PIGN: variants seen among roughly 807,000 people sequenced by gnomAD.
The protein encoded by PIGN is phosphatidylinositol glycan anchor biosynthesis class N.
PIGN carries 117 observed loss-of-function variants against 125.4 expected under a neutral mutation model. That is an observed-to-expected ratio of 0.93 (90% CI 0.80 to 1.09). The LOEUF (loss-of-function observed/expected upper bound fraction) is 1.09, where lower values mean the gene tolerates loss of function less well. PIGN is among the 50% of genes least tolerant of loss of function. PIGN has a pLI of 0.00. For missense variants in PIGN, 1,075 were observed against 1,094.9 expected, an observed-to-expected ratio of 0.98 and a Z score of 0.26; for synonymous variants, 392 against 377.8, an observed-to-expected ratio of 1.04 and a Z score of -0.44.
intron 25 of PIGN, among the ~76,000 whole-genome samples, chr18:62,088,109 T>C (rs777427511): frequency 7.2e-5 from 11 of 152,226 alleles, no homozygotes; most frequent in Non-Finnish European, 1.5e-4. Context: ...TTACAATGTA[T>C]ACATATATCA....
chr18:62,020,499 T>G (rs947202688), intron 23 of PIGN, among the ~76,000 whole-genome samples: 1 of 118,234 alleles, frequency 8.5e-6, no homozygotes, highest in African/African-American at 2.6e-5. Flanking sequence ...GATAAAGACT[T>G]TAAAACAGTT....
At chr18:62,159,375 G>A (rs776280846) in intron 4 of PIGN, among the ~76,000 whole-genome samples, 3 of 152,174 alleles carry the variant, frequency 2.0e-5, no homozygotes, top group Admixed American at 6.6e-5. Flanking sequence ...GCTTCCGTTA[G>A]TAAGATCCAA....
intron 25 of PIGN, 47 bp from the exon 26 acceptor site, chr18:62,085,311 A>G (rs1370967329): frequency 1.6e-6 from 2 of 1,284,542 alleles, no homozygotes; most frequent in Admixed American, 4.3e-5. Context: ...TTTCATACAA[A>G]TTTCCTTTTC....
chr18:62,138,438 C>A, intron 13 of PIGN, 140 bp from the exon 14 acceptor site: 2 of 1,232,742 alleles, frequency 1.6e-6, no homozygotes, highest in Non-Finnish European at 2.2e-6. Context: ...TATATTGTTT[C>A]ATAAATATTT....
intron 14 of PIGN, among the ~76,000 whole-genome samples, chr18:62,133,504 T>C (rs1028528616): frequency 6.6e-6 from 1 of 152,218 alleles, no homozygotes; most frequent in Non-Finnish European, 1.5e-5. Context: ...TTTAAAATTA[T>C]GTTTTTGAGT....
intron 1 of PIGN, among the ~76,000 whole-genome samples, chr18:62,165,091 A>G (rs1304136125): frequency 6.6e-6 from 1 of 152,162 alleles, no homozygotes; most frequent in Non-Finnish European, 1.5e-5. Context: ...GCTTGGTGCT[A>G]TTCTCACAGC....
In PIGN at chr18:62,186,041, A is replaced by ATT. The variant is rs755658401; in HGVS notation, c.-236+801_-236+802dup. ...CTTTGACTCCTTATTAGCGGAATTG[A>ATT]TTTTTTTTTTTTTTTTTTTTTTTTT... On this transcript the variant is annotated intron_variant, in intron 1 of 30. Coordinates refer to ENST00000640252, the MANE Select transcript of PIGN (RefSeq NM_176787.5). Among the ~76,000 whole-genome samples, 531 of 102,224 alleles carry ATT rather than the reference A, an allele frequency of 5.2e-3. 26 individuals are homozygous for ATT. Among genetic ancestry groups the ATT allele is most frequent in the African/African-American group, 0.016 (423 of 25,780 alleles). 67.1% of individuals were successfully genotyped at this position (102,224 alleles called of 152,430 possible).
In PIGN at chr18:62,072,708, G is replaced by T. The variant is rs2145718423; in HGVS notation, c.2637C>A (p.Val879=). The T allele has an allele frequency of 1.3e-6, 2 of 1,582,006 alleles. No homozygotes were observed. The highest frequency in any genetic ancestry group is 1.2e-5 in the South Asian group (1 of 85,254). ...DIMALHFFFL[V]KDYGSWLDIG... is the part of the protein sequence containing the mutation. ...TATCAAGCCAGCTGCCATAATCCTT[G>T]ACCAAGAAGAAAAAATGCTGTAAAA... Residue 879 remains valine (V), a synonymous_variant, in exon 30 of 31, where the codon GTC becomes GTA. Coordinates refer to ENST00000640252, the MANE Select transcript of PIGN (RefSeq NM_176787.5).
chr18:62,039,332 AACT>A (rs1429470548), downstream of PIGN, among the ~76,000 whole-genome samples: 1 of 152,104 alleles, frequency 6.6e-6, no homozygotes, highest in East Asian at 1.9e-4. Flanking sequence ...AATTACTAAA[AACT>A]ACTAAGGCAC....
At chr18:62,114,671 G>T in intron 14 of PIGN, 32 bp from the exon 15 acceptor site, 2 of 1,053,340 alleles carry the variant, frequency 1.9e-6, no homozygotes, top group African/African-American at 3.2e-5. Flanking sequence ...GGTTTAAAGG[G>T]TTTCCTCATT....
chr18:62,078,007 A>G (rs2033261045), intron 28 of PIGN, among the ~76,000 whole-genome samples: 1 of 152,156 alleles, frequency 6.6e-6, no homozygotes, highest in Admixed American at 6.5e-5. Flanking sequence ...CATCAGTCAT[A>G]TTGGACTAGG....
intron 14 of PIGN, among the ~76,000 whole-genome samples, chr18:62,114,938 T>C (rs2035032154): frequency 6.6e-6 from 1 of 152,178 alleles, no homozygotes; most frequent in Non-Finnish European, 1.5e-5. Context: ...TCTGATTAAA[T>C]TGAAGTAATT....
At chr18:62,159,210 C>T (rs990655350) in intron 4 of PIGN, among the ~76,000 whole-genome samples, 1 of 152,196 alleles carries the variant, frequency 6.6e-6, no homozygotes, top group African/African-American at 2.4e-5. Context: ...CACCATTGCA[C>T]TCCAGCCTGG....
chr18:62,116,991 T>A (rs560837196), intron 14 of PIGN, among the ~76,000 whole-genome samples: 1 of 152,104 alleles, frequency 6.6e-6, no homozygotes, highest in Non-Finnish European at 1.5e-5. Context: ...TATGTTATGT[T>A]ATATTATATT....
intron 14 of PIGN, among the ~76,000 whole-genome samples, chr18:62,121,168 A>G (rs549278971): frequency 6.6e-6 from 1 of 152,304 alleles, no homozygotes; most frequent in Non-Finnish European, 1.5e-5. Flanking sequence ...ATGCTGAGAG[A>G]TGATGTAAGG....
intron 25 of PIGN, 43 bp downstream of exon 25, chr18:62,088,713 T>C: frequency 1.0e-6 from 1 of 1,003,998 alleles, no homozygotes; most frequent in South Asian, 1.4e-5. Flanking sequence ...CTCCATTAAG[T>C]GGGAGTTGCA....
intron 11 of PIGN, 148 bp downstream of exon 11, chr18:62,143,158 A>G: frequency 1.8e-6 from 1 of 555,172 alleles, no homozygotes; most frequent in Non-Finnish European, 3.2e-6. Context: ...GGGCTAAAAT[A>G]TTTGCACTAA....
At chr18:62,176,633 C>T (rs1222606006) in intron 1 of PIGN, among the ~76,000 whole-genome samples, 1 of 151,496 alleles carries the variant, frequency 6.6e-6, no homozygotes, top group Non-Finnish European at 1.5e-5. Flanking sequence ...AATGTATAAT[C>T]TCAATCTAAT....
At chr18:62,136,919 C>T in intron 14 of PIGN, 1 of 392,592 alleles carries the variant, frequency 2.5e-6, no homozygotes, top group Non-Finnish European at 4.5e-6. Context: ...AAATCTGCTG[C>T]TCACCAAAGT....
Sources: gnomAD v4.1 joint callset for allele counts (sites outside exome capture counted in the v4.1 genomes callset) on GRCh38, gnomAD v4.1.1 for gene constraint, MANE v1.5 for transcripts, NCBI Gene and HGNC (gene_info 2026-07-23, HGNC 2026-07-21) for gene names.